Variants in ZNF202 observed in about 807,000 individuals in gnomAD.
The protein encoded by ZNF202 is zinc finger protein with KRAB and SCAN domains 10.
ZNF202 carries 22 observed loss-of-function variants against 54.5 expected under a neutral mutation model. That is an observed-to-expected ratio of 0.40 (90% CI 0.29 to 0.58). ZNF202 has a LOEUF of 0.58. ZNF202 is among the 20% of genes least tolerant of loss of function. The probability of loss-of-function intolerance (pLI) is 0.39; values close to 1 mark genes in which losing one functional copy is unlikely to be tolerated. For missense variants in ZNF202, 644 were observed against 805.5 expected, an observed-to-expected ratio of 0.80 and a Z score of 2.43; for synonymous variants, 294 against 301.4, an observed-to-expected ratio of 0.98 and a Z score of 0.26.
intron 6 of ZNF202, among the ~76,000 whole-genome samples, chr11:123,728,861 G>A (rs559219154): frequency 2.0e-5 from 3 of 150,892 alleles, no homozygotes; most frequent in East Asian, 3.9e-4. Context: ...TGACAACTTC[G>A]CAGTTGTACT....
Position 123,726,172 on chromosome 11 carries a change from C to A in ZNF202, c.1772G>T (p.Arg591Met), listed in dbSNP as rs1861123555. 1 of 1,614,124 alleles carries A rather than the reference C, an allele frequency of 6.2e-7. No individual in the cohort carries two copies. Among genetic ancestry groups the A allele is most frequent in the African/African-American group, 1.3e-5 (1 of 74,930 alleles). ...AKHLRGHASV[R>M]PCRCNECGKS... ...CCCACATTCGTTGCATCGGCAGGGC[C>A]TCACTGAGGCGTGTCCTCTCAAGTG... The change falls in exon 9 of 9, where the codon AGG (arginine) becomes ATG (methionine). Residue 591 changes from arginine (R) to methionine (M), a missense_variant. Around this residue, in one of 3 missense-constraint regions of ZNF202, gnomAD observed 536 missense variants for 635.3 expected, o/e 0.84. Coordinates refer to ENST00000530393, the MANE Select transcript of ZNF202 (RefSeq NM_003455.4). The surrounding 1 kb of genome is among the most constrained non-coding windows in gnomAD (Gnocchi z 6.0).
In ZNF202 at chr11:123,730,571, C is replaced by T; in HGVS notation, c.318G>A (p.Val106=). ...CGCCACTTTCTGGCCGTTGGCCCCG[C>T]ACCCAGCTCTGTAGTTCTCCAGGTA... ...TVLPGELQSW[V]RGQRPESGEE... Residue 106 remains valine (V), a synonymous_variant, in exon 4 of 9, where the codon GTG becomes GTA. Transcript: ENST00000530393. The surrounding 1 kb of genome is among the most constrained non-coding windows in gnomAD (Gnocchi z 6.0). 6.2e-7 allele frequency: 1 copy of T among 1,601,414 alleles called. No homozygotes were observed. Among genetic ancestry groups the T allele is most frequent in the Non-Finnish European group, 8.5e-7 (1 of 1,174,168 alleles).
chr11:123,729,165 T>A lies in ZNF202; in HGVS notation c.663A>T (p.Gly221=). The A allele has an allele frequency of 6.2e-7, 1 of 1,613,958 alleles. No homozygotes were observed. Among genetic ancestry groups the A allele is most frequent in the Non-Finnish European group, 8.5e-7 (1 of 1,180,016 alleles). The change falls in exon 6 of 9, where the codon GGA becomes GGT. Residue 221 remains glycine, a synonymous_variant. Coordinates refer to ENST00000530393, the MANE Select transcript of ZNF202 (RefSeq NM_003455.4). ...DPDLPAERSS[G]DSEMVALLTA... ...TAAGAAGAGCAACCATCTCTGAGTC[T>A]CCAGAGCTCCTCTCTGCAGGAAGGT...
At chr11:123,732,295 A>T (rs1290414006) in intron 3 of ZNF202, among the ~76,000 whole-genome samples, 1 of 152,096 alleles carries the variant, frequency 6.6e-6, no homozygotes, top group Non-Finnish European at 1.5e-5. Flanking sequence ...AGATCCTTCC[A>T]TCACTCCCCG....
chr11:123,739,582 T>A (rs1861775533), intron 3 of ZNF202: 1 of 152,192 alleles, frequency 6.6e-6, no homozygotes, highest in African/African-American at 2.4e-5. Context: ...GAAGAACTTA[T>A]CAATATTTCA....
intron 6 of ZNF202, among the ~76,000 whole-genome samples, chr11:123,728,758 T>C (rs1174395279): frequency 6.6e-6 from 1 of 152,142 alleles, no homozygotes; most frequent in Non-Finnish European, 1.5e-5. Flanking sequence ...TGGTGAATAC[T>C]TCCTAAATGT....
Position 123,728,832 on chromosome 11 carries a change from A to AC in ZNF202, c.702+293_702+294insG, listed in dbSNP as rs557310086. 1.8e-3 allele frequency among the ~76,000 whole-genome samples: 274 copies of AC among 152,140 alleles called. 1 individual carries two copies. The highest frequency in any genetic ancestry group is 6.2e-3 in the African/African-American group (257 of 41,520). ...AAATTTATTCCTTTAAAAAAAAAAA[A>AC]AACTAAAAAACCCTCATTTGACAAC... is the stretch of plus-strand genomic sequence containing the variant. On this transcript the variant is annotated intron_variant, in intron 6 of 8. Transcript: ENST00000530393.
intron 3 of ZNF202, 101 bp from the exon 4 acceptor site, chr11:123,731,086 A>C: frequency 1.8e-6 from 1 of 549,166 alleles, no homozygotes; most frequent in Non-Finnish European, 3.0e-6. Context: ...ACTTCTTCAA[A>C]TGGTTAAATC....
rs1490328841 is a variant in ZNF202 at position 123,729,145 on chromosome 11, A to G, written c.683T>C (p.Leu228Pro). The G allele has an allele frequency of 1.2e-6, 2 of 1,614,050 alleles. No individual in the cohort carries two copies. Among genetic ancestry groups the G allele is most frequent in the South Asian group, 1.1e-5 (1 of 91,048 alleles). ...GCACACCTGTGACAGAGCAGTAAGA[A>G]GAGCAACCATCTCTGAGTCTCCAGA... is the stretch of plus-strand genomic sequence containing the variant. The part of the protein sequence containing the change: ...RSSGDSEMVA[L>P]LTALSQGLVT... Residue 228 changes from leucine (L) to proline (P), a missense_variant, in exon 6 of 9, where the codon CTT becomes CCT. By Grantham distance (98) the Leu-to-Pro change is moderately conservative. Around this residue, in one of 3 missense-constraint regions of ZNF202, gnomAD observed 536 missense variants for 635.3 expected, o/e 0.84. Coordinates refer to ENST00000530393, the MANE Select transcript of ZNF202 (RefSeq NM_003455.4).
At chr11:123,735,730 G>A (rs1861607848) in intron 3 of ZNF202, among the ~76,000 whole-genome samples, 2 of 152,196 alleles carry the variant, frequency 1.3e-5, no homozygotes, top group East Asian at 3.9e-4. Context: ...GTGATTATCT[G>A]AGATATGAGA....
At chr11:123,737,956 T>C (rs1006005446) in intron 3 of ZNF202, among the ~76,000 whole-genome samples, 9 of 152,204 alleles carry the variant, frequency 5.9e-5, no homozygotes, top group East Asian at 1.9e-4. Flanking sequence ...TGGGCCATAA[T>C]GTAACAGCCT....
rs568243256 is a variant in ZNF202, at chr11:123,737,957, G to A, written c.-98+2160C>T. 1.5e-3 allele frequency among the ~76,000 whole-genome samples: 236 copies of A among 152,324 alleles called. 3 individuals carry two copies. The highest frequency in any genetic ancestry group is 1.4e-3 in the Non-Finnish European group (98 of 68,036). On this transcript the variant is annotated intron_variant, in intron 3 of 8. Coordinates refer to ENST00000530393, the MANE Select transcript of ZNF202 (RefSeq NM_003455.4). ...CTCTATTGAATATTTGGGCCATAAT[G>A]TAACAGCCTAGGATGCTGAGATTTA...
At chr11:123,734,812 T>C (rs1002281235) in intron 3 of ZNF202, among the ~76,000 whole-genome samples, 1 of 152,184 alleles carries the variant, frequency 6.6e-6, no homozygotes, top group African/African-American at 2.4e-5. Flanking sequence ...CCATGTTATA[T>C]TAACCCATAT....
At chr11:123,735,062 A>G (rs564540374) in intron 3 of ZNF202, among the ~76,000 whole-genome samples, 7 of 152,230 alleles carry the variant, frequency 4.6e-5, no homozygotes, top group Non-Finnish European at 8.8e-5. Context: ...CAATTTTAAT[A>G]AGCGCAAAAT....
chr11:123,736,735 T>C (rs1014334057), intron 3 of ZNF202, among the ~76,000 whole-genome samples: 4 of 152,184 alleles, frequency 2.6e-5, no homozygotes, highest in African/African-American at 9.6e-5. Flanking sequence ...CTTATTAGCC[T>C]TGTAACACAA....
chr11:123,737,863 G>T (rs1463698395), intron 3 of ZNF202, among the ~76,000 whole-genome samples: 1 of 152,100 alleles, frequency 6.6e-6, no homozygotes. Flanking sequence ...TTATCTAAAG[G>T]TAGAGAACTG....
chr11:123,740,166 T>C lies in ZNF202; in HGVS notation c.-147A>G, dbSNP rs1861802812. ...TGAGTCCCTCACATTGTGGTAAACC[T>C]TGTTGTACCCTTGGAATGATTGTCT... is the stretch of plus-strand genomic sequence containing the variant. On this transcript the variant is annotated 5_prime_UTR_variant, in exon 3 of 9. Transcript: ENST00000530393. 6.6e-6 allele frequency: 1 copy of C among 152,236 alleles called. No individual in the cohort carries two copies. Among genetic ancestry groups the C allele is most frequent in the African/African-American group, 2.4e-5 (1 of 41,454 alleles). 9.4% of individuals were successfully genotyped at this position (152,236 alleles called of 1,614,324 possible). A position where few individuals can be genotyped will look rare whatever the true frequency, so the allele number is the denominator to read the frequency against.
Position 123,729,607 on chromosome 11 carries a change from C to G in ZNF202, c.613+8G>C. 6.5e-7 allele frequency: 1 copy of G among 1,547,930 alleles called. No homozygotes were observed. The highest frequency in any genetic ancestry group is 8.7e-7 in the Non-Finnish European group (1 of 1,149,882). On this transcript the variant is annotated splice_region_variant and intron_variant, in intron 5 of 8. Coordinates refer to ENST00000530393, the MANE Select transcript of ZNF202 (RefSeq NM_003455.4). ...CCACAATCCCCCCTTTCTGCTGATG[C>G]TTCCCACCGCTCTCCTGCAGGGTCT...
chr11:123,731,219 C>A (rs1396864371), intron 3 of ZNF202, among the ~76,000 whole-genome samples: 1 of 152,184 alleles, frequency 6.6e-6, no homozygotes, highest in African/African-American at 2.4e-5. Context: ...CAAGAAAATA[C>A]TGCATTTCCA....
Sources: gnomAD v4.1 joint callset for allele counts (sites outside exome capture counted in the v4.1 genomes callset) on GRCh38, gnomAD v4.1.1 for gene constraint, gnomAD v4.1.1 regional missense constraint, Gnocchi (gnomAD v3.1) non-coding constraint, MANE v1.5 for transcripts, NCBI Gene and HGNC (gene_info 2026-07-23, HGNC 2026-07-21) for gene names.